The following THSD4 variants were observed in gnomAD, a reference collection of about 807,000 sequenced individuals.
THSD4 encodes the protein thrombospondin type-1 domain-containing protein 4.
In THSD4, 69 loss-of-function variants were observed where a neutral mutation model predicts 119.0. That is an observed-to-expected ratio of 0.58 (90% CI 0.48 to 0.71). The LOEUF is 0.71. Among genes scored for constraint, THSD4 ranks in the 30% least tolerant of loss-of-function variants. THSD4 has a pLI of 0.00. For missense variants in THSD4, 1,393 were observed against 1,391.1 expected, an observed-to-expected ratio of 1.00 and a Z score of -0.02; for synonymous variants, 524 against 540.4, an observed-to-expected ratio of 0.97 and a Z score of 0.42.
intron 8 of THSD4, among the ~76,000 whole-genome samples, chr15:71,716,340 T>A (rs8042924): frequency 6.6e-6 from 1 of 152,172 alleles, no homozygotes; most frequent in African/African-American, 2.4e-5. Flanking sequence ...AGGTAACATT[T>A]ACAGGTTCCA....
At chr15:71,405,354 A>G (rs1242979892) in intron 6 of THSD4, among the ~76,000 whole-genome samples, 1 of 152,220 alleles carries the variant, frequency 6.6e-6, no homozygotes, top group Non-Finnish European at 1.5e-5. Context: ...TGGTAGCTCT[A>G]TGTTTAACAT....
intron 6 of THSD4, among the ~76,000 whole-genome samples, chr15:71,259,534 T>C (rs1443443087): frequency 6.6e-6 from 1 of 152,170 alleles, no homozygotes; most frequent in Non-Finnish European, 1.5e-5. Flanking sequence ...GAGGCATGTA[T>C]CCAAAGTGAG....
chr15:71,324,125 T>C (rs764199113), intron 6 of THSD4, among the ~76,000 whole-genome samples: 42 of 152,120 alleles, frequency 2.8e-4, no homozygotes, highest in Non-Finnish European at 5.6e-4. Context: ...GTATACTCTG[T>C]ATCTGTTTAT....
At chr15:71,671,877 G>T (rs1482337567) in intron 8 of THSD4, among the ~76,000 whole-genome samples, 3 of 152,192 alleles carry the variant, frequency 2.0e-5, no homozygotes, top group Non-Finnish European at 4.4e-5. Context: ...TGCTTGTTTT[G>T]GTTACTGTAG....
chr15:71,674,161 A>C (rs769219600), intron 8 of THSD4, among the ~76,000 whole-genome samples: 3 of 151,586 alleles, frequency 2.0e-5, no homozygotes, highest in African/African-American at 7.3e-5. Context: ...TCTCCACCTT[A>C]CTCCCCCAGC....
intron 6 of THSD4, among the ~76,000 whole-genome samples, chr15:71,307,154 C>A (rs1343261774): frequency 6.6e-6 from 1 of 152,190 alleles, no homozygotes; most frequent in Non-Finnish European, 1.5e-5. Context: ...GACTGACACC[C>A]CAACTTTTCT....
At chr15:71,151,861 G>T (rs775261064) in intron 2 of THSD4, among the ~76,000 whole-genome samples, 1 of 152,140 alleles carries the variant, frequency 6.6e-6, no homozygotes, top group East Asian at 1.9e-4. Flanking sequence ...AATCATTTTC[G>T]AAGTTATCCA....
At chr15:71,618,821 G>T (rs532176948) in intron 7 of THSD4, among the ~76,000 whole-genome samples, 1 of 151,754 alleles carries the variant, frequency 6.6e-6, no homozygotes, top group African/African-American at 2.4e-5. Context: ...TAAGCGATCC[G>T]CCTGCCTCAG....
chr15:71,265,868 G>T (rs952385610), intron 6 of THSD4, among the ~76,000 whole-genome samples: 6 of 152,162 alleles, frequency 3.9e-5, no homozygotes, highest in East Asian at 1.9e-4. Context: ...AGAGCCCACC[G>T]CAGCTCGGGA....
At chr15:71,611,533 C>G (rs544803883) in intron 7 of THSD4, among the ~76,000 whole-genome samples, 4 of 152,332 alleles carry the variant, frequency 2.6e-5, no homozygotes, top group African/African-American at 9.6e-5. Context: ...CCTATGAACA[C>G]CTGCTTTGTG....
At position 71,528,507 on chromosome 15, in the gene THSD4, T is replaced by C. The variant is rs1487734696; in HGVS notation, c.1152+116684T>C. ...AACCTTTAGTAGAGTTGTCCACTTC[T>C]GTGAGCTTGGTCTCCTCATCTGGAA... On this transcript the variant is annotated intron_variant, in intron 7 of 17. Transcript: ENST00000261862. Among the ~76,000 whole-genome samples the C allele has an allele frequency of 3.3e-5, 5 of 152,340 alleles. No individual in the cohort carries two copies. In the East Asian group the frequency reaches 9.6e-4, roughly 29 times the overall value.
chr15:71,424,867 G>A (rs1357448092), intron 7 of THSD4, among the ~76,000 whole-genome samples: 1 of 152,104 alleles, frequency 6.6e-6, no homozygotes, highest in African/African-American at 2.4e-5. Context: ...TGAAGGTATA[G>A]CAGGCATTTG....
chr15:71,464,168 C>T (rs965354492), intron 7 of THSD4, among the ~76,000 whole-genome samples: 3 of 152,232 alleles, frequency 2.0e-5, no homozygotes, highest in Non-Finnish European at 4.4e-5. Context: ...AGACAGTCCA[C>T]TCTGGCTCAG....
At chr15:71,648,300 C>T (rs1477314130) in intron 7 of THSD4, among the ~76,000 whole-genome samples, 3 of 152,190 alleles carry the variant, frequency 2.0e-5, no homozygotes, top group African/African-American at 7.2e-5. Flanking sequence ...GGGCTTCCTA[C>T]TGCCTAAATC....
intron 7 of THSD4, among the ~76,000 whole-genome samples, chr15:71,656,109 C>G (rs1206845896): frequency 1.3e-5 from 2 of 152,102 alleles, no homozygotes; most frequent in African/African-American, 2.4e-5. Flanking sequence ...AGGAGACTAT[C>G]GGCTGCTTTA....
intron 6 of THSD4, among the ~76,000 whole-genome samples, chr15:71,280,009 C>T (rs2044633333): frequency 6.6e-6 from 1 of 152,164 alleles, no homozygotes; most frequent in African/African-American, 2.4e-5. Flanking sequence ...ATGTGTAAAG[C>T]ACGTGTATCA....
intron 7 of THSD4, among the ~76,000 whole-genome samples, chr15:71,598,660 G>C (rs2049950362): frequency 1.3e-5 from 2 of 152,082 alleles, no homozygotes; most frequent in African/African-American, 4.8e-5. Context: ...GTCTCACTCT[G>C]TCACCCAGTG....
chr15:71,223,152 A>G (rs1347700836), intron 4 of THSD4, among the ~76,000 whole-genome samples: 1 of 152,154 alleles, frequency 6.6e-6, no homozygotes, highest in Admixed American at 6.5e-5. Flanking sequence ...AACCTGTGTG[A>G]CAGATGCGTG....
At chr15:71,768,462 CAAGAATGAAA>C (rs985328719) in intron 16 of THSD4, among the ~76,000 whole-genome samples, 1 of 150,886 alleles carries the variant, frequency 6.6e-6, no homozygotes, top group Non-Finnish European at 1.5e-5. Context: ...TTTTTAAGTG[CAAGAATGAAA>C]AAGACAGTGG....
Sources: allele counts gnomAD v4.1 joint callset (sites outside exome capture counted in the v4.1 genomes callset), GRCh38; gene constraint gnomAD v4.1.1; transcripts MANE v1.5; gene names NCBI Gene and HGNC (gene_info 2026-07-23, HGNC 2026-07-21).